Variants in ROBO2 observed in about 807,000 individuals in gnomAD.
ROBO2 encodes the protein roundabout homolog 2.
Under a neutral mutation model 160.8 loss-of-function variants are expected in ROBO2, and 53 were observed. The observed-to-expected ratio is 0.33, with a 90% confidence interval of 0.26 to 0.41. The LOEUF (loss-of-function observed/expected upper bound fraction) is 0.41. ROBO2 is among the 10% of genes least tolerant of loss of function. ROBO2 has a pLI of 1.00. For missense variants in ROBO2, 1,577 were observed against 1,722.4 expected (o/e 0.92, Z 1.49); for synonymous variants, 664 against 611.7 (o/e 1.09, Z -1.26).
At chr3:77,402,321 A>C (rs1048213452) in intron 2 of ROBO2, among the ~76,000 whole-genome samples, 2 of 152,118 alleles carry the variant, frequency 1.3e-5, no homozygotes, top group Non-Finnish European at 2.9e-5. Context: ...CATTAGGAGA[A>C]ATACCTAATG....
intron 2 of ROBO2, among the ~76,000 whole-genome samples, chr3:76,733,866 G>C (rs1165150780): frequency 6.6e-6 from 1 of 152,190 alleles, no homozygotes; most frequent in Non-Finnish European, 1.5e-5. Context: ...GGAAGTCCAA[G>C]ATCAAGGTGC....
intron 2 of ROBO2, among the ~76,000 whole-genome samples, chr3:77,025,968 G>A (rs1578341411): frequency 1.3e-5 from 2 of 152,136 alleles, no homozygotes; most frequent in Non-Finnish European, 2.9e-5. Context: ...TTTAGAAATT[G>A]CATTCATTAC....
intron 2 of ROBO2, among the ~76,000 whole-genome samples, chr3:76,843,873 T>C (rs114913097): frequency 1.2e-3 from 183 of 152,152 alleles, no homozygotes; most frequent in African/African-American, 4.2e-3. Context: ...TAAAAGAAGA[T>C]TTAGGTTACC....
intron 2 of ROBO2, among the ~76,000 whole-genome samples, chr3:76,200,468 C>T (rs1401072199): frequency 6.6e-6 from 1 of 152,100 alleles, no homozygotes; most frequent in African/African-American, 2.4e-5. Context: ...TGGCCTTTAG[C>T]TCAAAATAAT....
chr3:76,433,315 T>C (rs779704728), intron 2 of ROBO2, among the ~76,000 whole-genome samples: 28 of 152,300 alleles, frequency 1.8e-4, no homozygotes, highest in African/African-American at 6.5e-4. Flanking sequence ...GTATGTCCAG[T>C]TGAATATGAA....
chr3:77,593,675 T>C (rs2094232561), intron 17 of ROBO2, among the ~76,000 whole-genome samples: 2 of 152,116 alleles, frequency 1.3e-5, no homozygotes, highest in Admixed American at 6.6e-5. Context: ...ATAATATTAG[T>C]AGATAACCTT....
intron 2 of ROBO2, among the ~76,000 whole-genome samples, chr3:77,383,165 T>A (rs908481712): frequency 6.6e-6 from 1 of 152,138 alleles, no homozygotes; most frequent in African/African-American, 2.4e-5. Flanking sequence ...TTGTATATAG[T>A]TGATAAGAAA....
At chr3:75,967,525 T>A (rs1314569134) in intron 2 of ROBO2, among the ~76,000 whole-genome samples, 1 of 151,542 alleles carries the variant, frequency 6.6e-6, no homozygotes, top group Non-Finnish European at 1.5e-5. Context: ...AGATAACATA[T>A]AAAATTACAA....
At chr3:75,937,839 TTTTA>T (rs1374394949) in intron 2 of ROBO2, among the ~76,000 whole-genome samples, 3 of 33,104 alleles carry the variant, frequency 9.1e-5, no homozygotes, top group South Asian at 1.0e-3. Context: ...TTGGAATTGA[TTTTA>T]TATATATATA....
chr3:77,088,881 T>A (rs912381308), intron 1 of ROBO2, among the ~76,000 whole-genome samples: 1 of 152,170 alleles, frequency 6.6e-6, no homozygotes, highest in Non-Finnish European at 1.5e-5. Flanking sequence ...TTAAAGTATG[T>A]ACCCTGTGTT....
At chr3:76,460,098 G>C (rs1402655100) in intron 2 of ROBO2, among the ~76,000 whole-genome samples, 1 of 151,792 alleles carries the variant, frequency 6.6e-6, no homozygotes, top group Non-Finnish European at 1.5e-5. Flanking sequence ...TTATGTTTAT[G>C]CTTATTTGTT....
intron 2 of ROBO2, among the ~76,000 whole-genome samples, chr3:76,437,908 G>A (rs978747460): frequency 6.6e-6 from 1 of 152,130 alleles, no homozygotes; most frequent in Non-Finnish European, 1.5e-5. Flanking sequence ...TAAGCCTTCA[G>A]ACATGAAATT....
intron 1 of ROBO2, among the ~76,000 whole-genome samples, chr3:77,093,521 C>T (rs919949943): frequency 5.3e-5 from 8 of 152,120 alleles, no homozygotes; most frequent in Admixed American, 1.3e-4. Context: ...ATGAAAGCTA[C>T]ACCCCCAACC....
At chr3:77,534,674 C>G (rs1474284295) in intron 6 of ROBO2, among the ~76,000 whole-genome samples, 1 of 152,138 alleles carries the variant, frequency 6.6e-6, no homozygotes, top group Non-Finnish European at 1.5e-5. Context: ...AATATATAAA[C>G]TAGCAAACTA....
intron 13 of ROBO2, among the ~76,000 whole-genome samples, chr3:77,570,336 G>C (rs1378701153): frequency 6.6e-6 from 1 of 151,874 alleles, no homozygotes; most frequent in Non-Finnish European, 1.5e-5. Context: ...TTCCAGGAGG[G>C]GGACGTTGTC....
chr3:77,370,280 C>G (rs1315239566), intron 2 of ROBO2, among the ~76,000 whole-genome samples: 3 of 152,168 alleles, frequency 2.0e-5, no homozygotes, highest in Non-Finnish European at 2.9e-5. Flanking sequence ...AATAGTCATA[C>G]TACATTGCTT....
intron 2 of ROBO2, among the ~76,000 whole-genome samples, chr3:76,336,988 A>C (rs1310438388): frequency 6.6e-6 from 1 of 152,156 alleles, no homozygotes; most frequent in Admixed American, 6.6e-5. Context: ...ATTTAAAAAA[A>C]ACCCACAATC....
intron 2 of ROBO2, among the ~76,000 whole-genome samples, chr3:75,960,579 TTAAGC>T (rs1948874866): frequency 6.6e-6 from 1 of 151,842 alleles, no homozygotes; most frequent in African/African-American, 2.4e-5. Flanking sequence ...TTTTTGTTGA[TTAAGC>T]TAATAAGGTG....
At chr3:75,936,259 C>T (rs1346653416) in intron 1 of ROBO2, among the ~76,000 whole-genome samples, 1 of 152,074 alleles carries the variant, frequency 6.6e-6, no homozygotes, top group Non-Finnish European at 1.5e-5. Context: ...TTAAATCTTC[C>T]CCTTTCATGA....
Sources: allele counts gnomAD v4.1 joint callset (sites outside exome capture counted in the v4.1 genomes callset), GRCh38; gene constraint gnomAD v4.1.1; transcripts MANE v1.5; gene names NCBI Gene and HGNC (gene_info 2026-07-23, HGNC 2026-07-21).